The following MTM1 variants were observed in gnomAD, a reference collection of about 807,000 sequenced individuals.
MTM1 encodes myotubularin 1.
Under a neutral mutation model 52.1 loss-of-function variants are expected in MTM1, and 9 were observed. That is an observed-to-expected ratio of 0.17 (90% CI 0.10 to 0.30). The LOEUF is 0.30. Among genes scored for constraint, MTM1 ranks in the 10% least tolerant of loss-of-function variants. The probability of loss-of-function intolerance (pLI) is 1.00; values close to 1 mark genes in which losing one functional copy is unlikely to be tolerated. For synonymous variants in MTM1, 136 were observed against 163.8 expected (o/e 0.83, Z 1.29); for missense variants, 277 against 470.7 (o/e 0.59, Z 3.81).
At chrX:150,641,477 G>A (rs1352947992) in intron 8 of MTM1, 59 bp downstream of exon 8, 10 of 1,155,018 alleles carry the variant, frequency 8.7e-6, no homozygotes, top group Non-Finnish European at 1.2e-5. Context: ...AAGAATGGTA[G>A]TCATATAACT....
intron 14 of MTM1, 124 bp from the exon 15 acceptor site, chrX:150,671,304 A>T: frequency 1.3e-6 from 1 of 772,727 alleles, no homozygotes; most frequent in Non-Finnish European, 1.9e-6. Flanking sequence ...GAAAGTATGT[A>T]TTATGGTAAA....
At chrX:150,594,886 C>A (rs781793097) in intron 2 of MTM1, among the ~76,000 whole-genome samples, 3 of 111,437 alleles carry the variant, frequency 2.7e-5, no homozygotes, top group Non-Finnish European at 5.6e-5. Context: ...TAATTTCTTT[C>A]CTCTCTTACA....
chrX:150,645,647 T>C (rs1557413952), intron 8 of MTM1, 36 bp from the exon 9 acceptor site: 1 of 1,180,832 alleles, frequency 8.5e-7, no homozygotes, highest in Non-Finnish European at 1.2e-6. Flanking sequence ...GGAGATTTGC[T>C]TTCTTGATAG....
intron 1 of MTM1, among the ~76,000 whole-genome samples, chrX:150,583,993 A>G (rs1490255129): frequency 3.5e-5 from 3 of 86,115 alleles, no homozygotes; most frequent in African/African-American, 1.2e-4. Flanking sequence ...TATATTAAAT[A>G]TATATATTAA....
chrX:150,613,573 G>A (rs1199192591), intron 4 of MTM1, among the ~76,000 whole-genome samples: 1 of 112,002 alleles, frequency 8.9e-6, no homozygotes, highest in African/African-American at 3.2e-5. Flanking sequence ...CACTTTTAAT[G>A]TGTGTTTTCA....
intron 9 of MTM1, among the ~76,000 whole-genome samples, chrX:150,649,047 T>C (rs2039978619): frequency 1.8e-5 from 2 of 112,706 alleles, no homozygotes; most frequent in Admixed American, 1.9e-4. Flanking sequence ...AGAGTCACAG[T>C]ACCTGGGATG....
intron 1 of MTM1, among the ~76,000 whole-genome samples, chrX:150,576,642 CT>C (rs2038476567): frequency 9.0e-6 from 1 of 111,699 alleles, no homozygotes; most frequent in Non-Finnish European, 1.9e-5. Context: ...TATTCTGTTT[CT>C]TTCCCCCCCG....
intron 1 of MTM1, among the ~76,000 whole-genome samples, chrX:150,587,862 A>G (rs972437653): frequency 8.9e-6 from 1 of 111,848 alleles, no homozygotes; most frequent in Admixed American, 9.5e-5. Context: ...TGAAAAATAC[A>G]TTATTTTATT....
intron 4 of MTM1, among the ~76,000 whole-genome samples, chrX:150,599,929 A>G (rs1476651647): frequency 3.6e-5 from 4 of 112,493 alleles, no homozygotes; most frequent in African/African-American, 1.3e-4. Flanking sequence ...AAAATTCTAC[A>G]AATAATCATT....
chrX:150,595,759 G>A (rs2038965280), intron 2 of MTM1, among the ~76,000 whole-genome samples: 1 of 112,536 alleles, frequency 8.9e-6, no homozygotes, highest in Non-Finnish European at 1.9e-5. Flanking sequence ...TCGCCTGCAG[G>A]TTGTAGTGGT....
intron 6 of MTM1, among the ~76,000 whole-genome samples, chrX:150,621,434 A>T (rs1300512690): frequency 9.0e-6 from 1 of 111,090 alleles, no homozygotes; most frequent in Non-Finnish European, 1.9e-5. Context: ...CCTTCCAGCT[A>T]ATCCTACACA....
chrX:150,575,617 C>G (rs1603090146), intron 1 of MTM1, among the ~76,000 whole-genome samples: 1 of 111,569 alleles, frequency 9.0e-6, no homozygotes, highest in East Asian at 2.8e-4. Flanking sequence ...GGGGTTTTTG[C>G]AAAACTACAA....
rs1339589273 is a variant in MTM1, at chrX:150,597,224, A to G, written c.136+654A>G. ...CTTCAATGTATTTGAAGCAGATGTG[A>G]TGACCATTGTTCCAGGGAACCTTTT... On this transcript the variant is annotated intron_variant, in intron 3 of 14. Transcript: ENST00000370396. 2.7e-5 allele frequency among the ~76,000 whole-genome samples: 3 copies of G among 112,078 alleles called. No individual in the cohort carries two copies. In the Admixed American group the frequency reaches 2.8e-4, roughly 11 times the overall value.
chrX:150,612,716 G>C, intron 4 of MTM1, among the ~76,000 whole-genome samples: 1 of 111,451 alleles, frequency 9.0e-6, no homozygotes. Context: ...GGGCATGGTG[G>C]CTCATGCTTA....
At chrX:150,577,868 T>C (rs1204281070) in intron 1 of MTM1, among the ~76,000 whole-genome samples, 3 of 112,423 alleles carry the variant, frequency 2.7e-5, no homozygotes. Flanking sequence ...AATTTTCCCC[T>C]GTGTTCCTTC....
chrX:150,671,604 C>T lies in MTM1; in HGVS notation c.*9C>T, dbSNP rs200274146. The T allele has an allele frequency of 2.3e-5, 28 of 1,207,543 alleles. No individual in the cohort carries two copies. In the East Asian group the frequency reaches 8.0e-4, roughly 35 times the overall value. ...TGCAAACTCACTTCTGAGGGGGGACCCTGGCACCGCATTAGAGCTCGAAAT... is the reference window on the plus strand; with the variant it reads ...TGCAAACTCACTTCTGAGGGGGGACTCTGGCACCGCATTAGAGCTCGAAAT... On this transcript the variant is annotated 3_prime_UTR_variant, in exon 15 of 15. Coordinates refer to ENST00000370396, the MANE Select transcript of MTM1 (RefSeq NM_000252.3).
At chrX:150,605,203 T>G (rs1470528491) in intron 4 of MTM1, among the ~76,000 whole-genome samples, 2 of 112,236 alleles carry the variant, frequency 1.8e-5, no homozygotes, top group African/African-American at 6.5e-5. Context: ...AAGTTGGTAT[T>G]TCTCACTCGT....
intron 9 of MTM1, 123 bp downstream of exon 9, chrX:150,645,994 C>A: frequency 3.2e-6 from 2 of 619,945 alleles, no homozygotes; most frequent in Non-Finnish European, 5.2e-6. Flanking sequence ...AAAACCAGTT[C>A]TCTTAGACAG....
chrX:150,650,653 T>C (rs73620660), intron 10 of MTM1, among the ~76,000 whole-genome samples: 3,670 of 110,895 alleles, frequency 0.033, 153 homozygotes, highest in African/African-American at 0.11. Context: ...AACATGTCTG[T>C]CACTCTCATA....
Sources: gnomAD v4.1 joint callset for allele counts (sites outside exome capture counted in the v4.1 genomes callset) on GRCh38, gnomAD v4.1.1 for gene constraint, MANE v1.5 for transcripts, NCBI Gene and HGNC (gene_info 2026-07-23, HGNC 2026-07-21) for gene names.